The following CNTNAP5 variants were observed in gnomAD, a reference collection of about 807,000 sequenced individuals.
CNTNAP5 encodes contactin associated protein family member 5, also known as contactin-associated protein-like 5.
CNTNAP5 carries 72 observed loss-of-function variants against 150.2 expected under a neutral mutation model. The observed-to-expected ratio is 0.48, with a 90% CI of 0.40 to 0.58. The LOEUF (loss-of-function observed/expected upper bound fraction) is 0.58. CNTNAP5 is among the 20% of genes least tolerant of loss of function. The pLI is 0.00. For synonymous variants in CNTNAP5, 672 were observed against 619.8 expected (o/e 1.08, Z -1.25); for missense variants, 1,636 against 1,626.2 (o/e 1.01, Z -0.10).
chr2:124,674,105 C>G (rs1678878861), intron 13 of CNTNAP5, among the ~76,000 whole-genome samples: 1 of 152,112 alleles, frequency 6.6e-6, no homozygotes, highest in African/African-American at 2.4e-5. Context: ...TTAGTCTTCT[C>G]TCTTTTTTCT....
chr2:124,643,219 A>G (rs985668720), intron 12 of CNTNAP5, among the ~76,000 whole-genome samples: 4 of 152,218 alleles, frequency 2.6e-5, no homozygotes, highest in African/African-American at 9.6e-5. Context: ...TCTCCTAAGT[A>G]AAAGAATTGA....
intron 19 of CNTNAP5, among the ~76,000 whole-genome samples, chr2:124,856,860 A>G (rs1677386595): frequency 1.3e-5 from 2 of 152,130 alleles, no homozygotes; most frequent in African/African-American, 2.4e-5. Flanking sequence ...ACATTGATCA[A>G]CTTAAAGCCT....
At chr2:124,610,755 T>C (rs777703859) in intron 12 of CNTNAP5, among the ~76,000 whole-genome samples, 1 of 152,074 alleles carries the variant, frequency 6.6e-6, no homozygotes, top group Non-Finnish European at 1.5e-5. Context: ...GGTCAGGAGA[T>C]CCAGACCATC....
rs10183320 is a variant in CNTNAP5 at position 124,656,272 on chromosome 2, C to A, written c.2077+8314C>A. On this transcript the variant is annotated intron_variant, in intron 13 of 23. Coordinates refer to ENST00000682447, the MANE Select transcript of CNTNAP5 (RefSeq NM_001367498.1). ...AACCAAGCTCTTTCTAACTCAAAGT[C>A]TAGGCCCTTAGACTCTGGTGTCTAA... 1.6e-3 allele frequency among the ~76,000 whole-genome samples: 250 copies of A among 152,270 alleles called. 1 individual carries two copies. The highest frequency in any genetic ancestry group is 5.9e-3 in the African/African-American group (244 of 41,544).
At chr2:124,692,429 G>T (rs1679317624) in intron 13 of CNTNAP5, among the ~76,000 whole-genome samples, 1 of 152,052 alleles carries the variant, frequency 6.6e-6, no homozygotes, top group Admixed American at 6.6e-5. Flanking sequence ...TATACAATCT[G>T]GCCTTTTACA....
At chr2:124,353,872 G>C (rs1003814593) in intron 3 of CNTNAP5, among the ~76,000 whole-genome samples, 4 of 152,164 alleles carry the variant, frequency 2.6e-5, no homozygotes, top group Non-Finnish European at 5.9e-5. Context: ...AGTGAGGACA[G>C]GTCAGATCAC....
chr2:124,831,252 C>G (rs796247774), intron 19 of CNTNAP5, among the ~76,000 whole-genome samples: 21 of 152,026 alleles, frequency 1.4e-4, no homozygotes, highest in African/African-American at 4.8e-4. Context: ...CCAATACCTT[C>G]TCTTTTTTAA....
At chr2:124,122,289 C>A (rs1430557566) in intron 1 of CNTNAP5, among the ~76,000 whole-genome samples, 2 of 152,098 alleles carry the variant, frequency 1.3e-5, no homozygotes. Flanking sequence ...CTAATTAAAT[C>A]GTGAAACATT....
At chr2:124,343,937 C>A (rs1004173429) in intron 3 of CNTNAP5, among the ~76,000 whole-genome samples, 1 of 152,152 alleles carries the variant, frequency 6.6e-6, no homozygotes, top group African/African-American at 2.4e-5. Flanking sequence ...AGAGGCCAAA[C>A]CTGTGAGCAG....
intron 1 of CNTNAP5, among the ~76,000 whole-genome samples, chr2:124,177,212 T>C (rs1221346665): frequency 2.0e-5 from 3 of 152,110 alleles, no homozygotes; most frequent in Non-Finnish European, 4.4e-5. Context: ...GTAATATTTT[T>C]AGGTTTTATG....
rs1278435918 is a variant in CNTNAP5, at chr2:124,550,048, G to T, written c.1650-13169G>T. Among the ~76,000 whole-genome samples the T allele has an allele frequency of 2.0e-5, 3 of 152,228 alleles. No homozygotes were observed. In the East Asian group the frequency reaches 5.8e-4, roughly 29 times the overall value. On this transcript the variant is annotated intron_variant, in intron 10 of 23. Coordinates refer to ENST00000682447, the MANE Select transcript of CNTNAP5 (RefSeq NM_001367498.1). ...CCAATTAAAGTTCACAGGAATCCCA[G>T]GGGAGGTGGGGAAAGATTTCCATTA...
intron 3 of CNTNAP5, among the ~76,000 whole-genome samples, chr2:124,370,091 G>A (rs12473048): frequency 0.16 from 24,056 of 152,160 alleles, 1,869 homozygotes; most frequent in East Asian, 0.18. Context: ...TTATTCTAGA[G>A]ATGCAAAATA....
At position 124,372,448 on chromosome 2, in the gene CNTNAP5, G is replaced by A. The variant is rs912549368; in HGVS notation, c.382-44995G>A. Among the ~76,000 whole-genome samples the A allele has an allele frequency of 2.6e-5, 4 of 152,022 alleles. No homozygotes were observed. The South Asian group carries it at 8.3e-4, about 32-fold the overall frequency. ...CATATACATATATTGTATTTCTTCTGTATCTCTAGAGAAACCTGACTAATA... is the reference window on the plus strand; with the variant it reads ...CATATACATATATTGTATTTCTTCTATATCTCTAGAGAAACCTGACTAATA... On this transcript the variant is annotated intron_variant, in intron 3 of 23. Transcript: ENST00000682447.
In CNTNAP5 at chr2:124,226,479, G is replaced by C. The variant is rs72962824; in HGVS notation, c.187+4670G>C. Reference sequence around the variant, plus strand: ...GTTTTTTTGCTACTGAGTTGTACTTGTTCTTTAAATGTTTGGGTATTAACC... The same window carrying C: ...GTTTTTTTGCTACTGAGTTGTACTTCTTCTTTAAATGTTTGGGTATTAACC... On this transcript the variant is annotated intron_variant, in intron 2 of 23. Coordinates refer to ENST00000682447, the MANE Select transcript of CNTNAP5 (RefSeq NM_001367498.1). Among the ~76,000 whole-genome samples, 209 of 152,142 alleles carry C rather than the reference G, an allele frequency of 1.4e-3. 1 individual carries two copies. The highest frequency in any genetic ancestry group is 4.7e-3 in the African/African-American group (195 of 41,532).
chr2:124,142,281 C>A (rs1388908910), intron 1 of CNTNAP5, among the ~76,000 whole-genome samples: 1 of 123,662 alleles, frequency 8.1e-6, no homozygotes, highest in African/African-American at 3.1e-5. Context: ...AGCTCTGCAC[C>A]AAGCGGACCT....
intron 4 of CNTNAP5, among the ~76,000 whole-genome samples, chr2:124,421,786 T>A (rs1018573574): frequency 6.6e-6 from 1 of 152,216 alleles, no homozygotes; most frequent in African/African-American, 2.4e-5. Flanking sequence ...CTTCTGCCAA[T>A]GTGATTCTTA....
chr2:124,529,471 G>C (rs1293822780), intron 10 of CNTNAP5, among the ~76,000 whole-genome samples: 1 of 152,182 alleles, frequency 6.6e-6, no homozygotes, highest in East Asian at 1.9e-4. Flanking sequence ...TCGTGAGTAA[G>C]TGGTAAGTTT....
At chr2:124,212,732 AACTTG>A (rs1686046493) in intron 1 of CNTNAP5, among the ~76,000 whole-genome samples, 1 of 151,986 alleles carries the variant, frequency 6.6e-6, no homozygotes, top group Non-Finnish European at 1.5e-5. Context: ...CTTACTCCTG[AACTTG>A]GTCTTACGTT....
At chr2:124,532,810 A>G (rs552828884) in intron 10 of CNTNAP5, among the ~76,000 whole-genome samples, 2 of 152,308 alleles carry the variant, frequency 1.3e-5, no homozygotes, top group South Asian at 4.1e-4. Flanking sequence ...TGCGAGAAAA[A>G]TGAGAGTGTG....
Sources: gnomAD v4.1 joint callset for allele counts (sites outside exome capture counted in the v4.1 genomes callset) on GRCh38, gnomAD v4.1.1 for gene constraint, MANE v1.5 for transcripts, NCBI Gene and HGNC (gene_info 2026-07-23, HGNC 2026-07-21) for gene names.